The following GRIN2B variants were observed in gnomAD, a reference collection of about 807,000 sequenced individuals.
The protein encoded by GRIN2B is glutamate ionotropic receptor NMDA type subunit 2B, also known as glutamate receptor ionotropic, NMDA 2B.
A neutral mutation model predicts 114.5 loss-of-function variants in GRIN2B; 5 were observed. The ratio of observed to expected loss-of-function variants is 0.04; its 90% CI spans 0.02 to 0.09. The LOEUF (loss-of-function observed/expected upper bound fraction) is 0.09, where lower values mean the gene tolerates loss of function less well. Among genes scored for constraint, GRIN2B ranks in the 10% least tolerant of loss-of-function variants. The pLI is 1.00. For missense variants in GRIN2B, 1,108 were observed against 1,943.5 expected, an observed-to-expected ratio of 0.57 and a Z score of 8.08; for synonymous variants, 787 against 745.1, an observed-to-expected ratio of 1.06 and a Z score of -0.92.
intron 10 of GRIN2B, among the ~76,000 whole-genome samples, chr12:13,588,697 G>A (rs1948965369): frequency 6.6e-6 from 1 of 152,182 alleles, no homozygotes. Context: ...CATACATAAT[G>A]CAGTGCTGCT....
chr12:13,550,637 T>C lies in GRIN2B; in HGVS notation c.*12146A>G, dbSNP rs1948398365. On this transcript the variant is annotated 3_prime_UTR_variant, in exon 14 of 14. Coordinates refer to ENST00000609686, the MANE Select transcript of GRIN2B (RefSeq NM_000834.5). ...TAGGACAGTTAGCAGGATAACTATG[T>C]TGCTCTACCACAAAGAAAATGCTGC... The C allele has an allele frequency of 6.6e-6, 1 of 152,178 alleles. No individual in the cohort carries two copies. The highest frequency in any genetic ancestry group is 6.5e-5 in the Admixed American group (1 of 15,276). 9.4% of individuals were successfully genotyped at this position (152,178 alleles called of 1,614,324 possible).
chr12:13,909,571 C>T (rs551478800), intron 2 of GRIN2B, among the ~76,000 whole-genome samples: 10 of 152,308 alleles, frequency 6.6e-5, no homozygotes, highest in African/African-American at 2.4e-4. Context: ...ACACAGGTAC[C>T]ACATGGTCTG....
chr12:13,774,777 G>A (rs1863972710), intron 3 of GRIN2B, among the ~76,000 whole-genome samples: 1 of 152,010 alleles, frequency 6.6e-6, no homozygotes, highest in Admixed American at 6.6e-5. Flanking sequence ...CCTTTCCTAG[G>A]CACAAAGATT....
chr12:13,616,476 C>T lies in GRIN2B; in HGVS notation c.1307G>A (p.Cys436Tyr). 6.2e-7 allele frequency: 1 copy of T among 1,613,688 alleles called. No individual in the cohort carries two copies. The highest frequency in any genetic ancestry group is 1.7e-4 in the Middle Eastern group (1 of 5,842). The stretch of plus-strand genomic sequence containing the variant: ...ATACTCAGTGACTATGCGTTTTTGG[C>T]AGGGGACTGTGTTCCTCATGCAGGT... ...SGTCMRNTVP[C>Y]QKRIVTENKT... The change falls in exon 6 of 14, where the codon TGC (cysteine) becomes TAC (tyrosine). Residue 436 changes from cysteine to tyrosine, a missense_variant. By Grantham distance (194) the Cys-to-Tyr change is radical. Around this residue, in one of 19 missense-constraint regions of GRIN2B, gnomAD observed 26 missense variants for 23.5 expected, o/e 1.11. Transcript: ENST00000609686.
intron 10 of GRIN2B, among the ~76,000 whole-genome samples, chr12:13,574,181 G>A (rs944197449): frequency 5.9e-5 from 9 of 152,076 alleles, no homozygotes; most frequent in African/African-American, 1.4e-4. Context: ...AGCTCAATTC[G>A]CCTAATTAAT....
intron 2 of GRIN2B, among the ~76,000 whole-genome samples, chr12:13,884,225 ATG>A (rs1392972316): frequency 6.6e-6 from 1 of 151,450 alleles, no homozygotes; most frequent in Non-Finnish European, 1.5e-5. Flanking sequence ...TGGTTTTGCC[ATG>A]TAAATTTTAG....
At chr12:13,881,418 A>C (rs1327155425) in intron 2 of GRIN2B, among the ~76,000 whole-genome samples, 2 of 151,898 alleles carry the variant, frequency 1.3e-5, no homozygotes, top group East Asian at 3.9e-4. Flanking sequence ...AGCGGGTTTC[A>C]TTTCTAGACC....
chr12:13,689,866 A>G (rs1053612209), intron 4 of GRIN2B, among the ~76,000 whole-genome samples: 8 of 152,078 alleles, frequency 5.3e-5, no homozygotes, highest in African/African-American at 1.9e-4. Flanking sequence ...TTTTCTCTCA[A>G]TTGAGCATAA....
intron 4 of GRIN2B, among the ~76,000 whole-genome samples, chr12:13,692,760 C>CTTTTTTTTTTTTTTTTTTTTTT (rs71067718): frequency 1.3e-4 from 7 of 52,120 alleles, no homozygotes; most frequent in African/African-American, 1.9e-4. Context: ...TCTTTCTTTT[C>CTTTTTTTTTTTTTTTTTTTTTT]TTTTTTTTTT....
chr12:13,932,241 G>T (rs1432275388), intron 2 of GRIN2B, among the ~76,000 whole-genome samples: 2 of 152,166 alleles, frequency 1.3e-5, no homozygotes, highest in Admixed American at 6.5e-5. Flanking sequence ...TTCTCTAGTG[G>T]CCCACTCTCT....
At chr12:13,618,752 C>T (rs1949478327) in intron 5 of GRIN2B, among the ~76,000 whole-genome samples, 1 of 152,136 alleles carries the variant, frequency 6.6e-6, no homozygotes. Context: ...CATCATGAAT[C>T]CTTAGTTCAA....
chr12:13,623,624 T>C (rs1291488127), intron 5 of GRIN2B, among the ~76,000 whole-genome samples: 4 of 152,222 alleles, frequency 2.6e-5, no homozygotes, highest in Non-Finnish European at 2.9e-5. Flanking sequence ...ATCCATTTTC[T>C]ATTGAGTTGT....
chr12:13,858,965 A>G (rs1248890426), intron 3 of GRIN2B, among the ~76,000 whole-genome samples: 1 of 152,218 alleles, frequency 6.6e-6, no homozygotes, highest in East Asian at 1.9e-4. Context: ...TTAATAGGAA[A>G]AATTAGAATC....
chr12:13,906,050 G>A (rs899214030), intron 2 of GRIN2B, among the ~76,000 whole-genome samples: 7 of 152,154 alleles, frequency 4.6e-5, no homozygotes, highest in African/African-American at 9.7e-5. Flanking sequence ...AGCAAATACC[G>A]TTGGGTAAAC....
intron 3 of GRIN2B, among the ~76,000 whole-genome samples, chr12:13,779,832 C>T (rs1005869393): frequency 6.6e-6 from 1 of 152,204 alleles, no homozygotes; most frequent in Non-Finnish European, 1.5e-5. Flanking sequence ...CTCTCTGTGC[C>T]TCAGTTGCCC....
At chr12:13,870,717 G>A (rs2136753143) in intron 2 of GRIN2B, among the ~76,000 whole-genome samples, 1 of 152,270 alleles carries the variant, frequency 6.6e-6, no homozygotes, top group African/African-American at 2.4e-5. Context: ...ACTATGACTG[G>A]AATATGACAG....
At chr12:13,749,039 T>C (rs1863435824) in intron 4 of GRIN2B, among the ~76,000 whole-genome samples, 1 of 152,228 alleles carries the variant, frequency 6.6e-6, no homozygotes, top group African/African-American at 2.4e-5. Flanking sequence ...ACTAAGTCTA[T>C]AACAGGCCAA....
intron 3 of GRIN2B, among the ~76,000 whole-genome samples, chr12:13,841,423 GAC>G (rs1177858114): frequency 6.6e-6 from 1 of 152,174 alleles, no homozygotes; most frequent in African/African-American, 2.4e-5. Context: ...CTAAAGTCAA[GAC>G]ACAGTACATT....
chr12:13,680,935 C>T (rs1950125342), intron 4 of GRIN2B, among the ~76,000 whole-genome samples: 1 of 152,116 alleles, frequency 6.6e-6, no homozygotes. Flanking sequence ...GGGCTCAGAG[C>T]CAATACATTT....
Sources: allele counts gnomAD v4.1 joint callset (sites outside exome capture counted in the v4.1 genomes callset), GRCh38; gene constraint gnomAD v4.1.1; regional missense constraint gnomAD v4.1.1; transcripts MANE v1.5; gene names NCBI Gene and HGNC (gene_info 2026-07-23, HGNC 2026-07-21).